The following PFKFB1 variants were observed in gnomAD, a reference collection of about 807,000 sequenced individuals.
PFKFB1 encodes the protein 6-phosphofructo-2-kinase/fructose-2,6-biphosphatase 1.
A neutral mutation model predicts 46.4 loss-of-function variants in PFKFB1; 34 were observed. That is an observed-to-expected ratio of 0.73 (90% CI 0.56 to 0.98). PFKFB1 has a LOEUF of 0.98. Ranked by LOEUF, PFKFB1 falls within the 50% of genes least tolerant of loss-of-function variation. PFKFB1 has a pLI of 0.00. For missense variants in PFKFB1, 393 were observed against 376.3 expected (o/e 1.04, Z -0.37); for synonymous variants, 119 against 133.8 (o/e 0.89, Z 0.76).
chrX:54,960,105 C>T (rs760824819), intron 3 of PFKFB1, among the ~76,000 whole-genome samples: 7 of 112,572 alleles, frequency 6.2e-5, no homozygotes, highest in East Asian at 2.8e-4. Context: ...ACAGCTTACA[C>T]GGTTTACGGG....
intron 7 of PFKFB1, 36 bp from the exon 8 acceptor site, chrX:54,952,148 G>C: frequency 9.1e-7 from 1 of 1,094,689 alleles, no homozygotes; most frequent in Non-Finnish European, 1.3e-6. Context: ...GGGCAGCTCA[G>C]GGGCTAATGG....
rs141537723 is a variant in PFKFB1 at position 54,951,971 on chromosome X, G to A, written c.780C>T (p.Gly260=). 339 of 1,209,084 alleles carry A rather than the reference G, an allele frequency of 2.8e-4. 2 individuals carry two copies. The African/African-American group carries it at 3.4e-3, about 12-fold the overall frequency. The stretch of plus-strand genomic sequence containing the variant: ...GGCCTCTGATGTTGAGTTCACTCTC[G>A]CCATGTCGGCAAAGGTAGATGGAGC... ...TPRSIYLCRH[G]ESELNIRGRI... Residue 260 remains glycine (G), a synonymous_variant, in exon 8 of 14, where the codon GGC becomes GGT. Transcript: ENST00000375006.
chrX:54,997,006 C>A (rs148831424), upstream of PFKFB1, among the ~76,000 whole-genome samples: 1,707 of 111,535 alleles, frequency 0.015, 32 homozygotes, highest in African/African-American at 0.052. Flanking sequence ...CTGTGAACTC[C>A]TTGAGTATGG....
At chrX:54,981,088 G>A (rs1198281024) in intron 1 of PFKFB1, among the ~76,000 whole-genome samples, 1 of 110,642 alleles carries the variant, frequency 9.0e-6, no homozygotes, top group Non-Finnish European at 1.9e-5. Flanking sequence ...TATATAGAAA[G>A]TACTGTAGGA....
chrX:54,990,807 G>A (rs1394467411), intron 1 of PFKFB1, among the ~76,000 whole-genome samples: 1 of 112,261 alleles, frequency 8.9e-6, no homozygotes, highest in South Asian at 3.7e-4. Flanking sequence ...AAACTCTAAT[G>A]TATTGTACCA....
At chrX:54,978,894 G>T (rs867609044) in intron 1 of PFKFB1, among the ~76,000 whole-genome samples, 1 of 111,645 alleles carries the variant, frequency 9.0e-6, no homozygotes, top group Admixed American at 9.5e-5. Context: ...GAAAAACAAG[G>T]AAAGACTGAA....
intron 1 of PFKFB1, among the ~76,000 whole-genome samples, chrX:54,970,388 C>A (rs1437494125): frequency 1.9e-5 from 2 of 106,820 alleles, no homozygotes; most frequent in African/African-American, 6.9e-5. Context: ...GCACAATGTG[C>A]AGGTTAGTTA....
chrX:54,940,855 T>C (rs1401533503), intron 10 of PFKFB1, among the ~76,000 whole-genome samples: 1 of 111,797 alleles, frequency 8.9e-6, no homozygotes. Flanking sequence ...CCCATCAAGC[T>C]ACCAATGCCT....
chrX:54,994,927 A>G, upstream of PFKFB1: 2 of 625,663 alleles, frequency 3.2e-6, no homozygotes, highest in Non-Finnish European at 3.8e-6. Context: ...GTTAGCCACC[A>G]TCAGATGCCC....
intron 10 of PFKFB1, among the ~76,000 whole-genome samples, chrX:54,941,917 T>C (rs748511106): frequency 5.4e-5 from 6 of 111,955 alleles, no homozygotes; most frequent in East Asian, 2.8e-4. Flanking sequence ...GAGTATAAAT[T>C]ATGCTGCTAT....
chrX:54,933,420 C>T lies in PFKFB1; in HGVS notation c.1399G>A (p.Val467Ile), dbSNP rs1277580022. The T allele has an allele frequency of 9.9e-6, 12 of 1,207,138 alleles. No individual in the cohort carries two copies. The highest frequency in any genetic ancestry group is 1.3e-5 in the Non-Finnish European group (12 of 892,653). The change falls in exon 14 of 14, where the codon GTC becomes ATC. Residue 467 changes from valine to isoleucine, a missense_variant. Transcript: ENST00000375006. Reference protein sequence around the residue: ...TREPEEALDTVPAHY With the variant: ...TREPEEALDTIPAHY ...GAAAGGGCTCAGTAGTGGGCTGGGA[C>T]AGTATCCAGGGCTTCCTCAGGTTCC...
intron 1 of PFKFB1, among the ~76,000 whole-genome samples, chrX:54,974,369 A>G (rs777748620): frequency 1.3e-4 from 14 of 111,535 alleles, no homozygotes; most frequent in Non-Finnish European, 2.1e-4. Flanking sequence ...ACCCTATTCA[A>G]TTAATGATGC....
intron 1 of PFKFB1, among the ~76,000 whole-genome samples, chrX:54,980,465 T>C (rs1440448542): frequency 9.1e-6 from 1 of 110,415 alleles, no homozygotes; most frequent in African/African-American, 3.3e-5. Context: ...TAGAAGATAG[T>C]AAACAAAACT....
intron 10 of PFKFB1, among the ~76,000 whole-genome samples, chrX:54,941,895 A>G (rs1384049416): frequency 3.6e-5 from 4 of 112,221 alleles, no homozygotes; most frequent in Non-Finnish European, 7.5e-5. Flanking sequence ...ATTACTGGGT[A>G]TATACCCAAA....
rs1934292945 is a variant in PFKFB1 at position 54,960,901 on chromosome X, C to T, written c.240G>A (p.Gln80=). Residue 80 remains glutamine, a synonymous_variant, in exon 3 of 14, where the codon CAG becomes CAA. Transcript: ENST00000375006. ...GTPTKVFNLG[Q]YRREAVSYKN... ...TGTAGCTCACTGCCTCTCGTCGATA[C>T]TGGCCTAAATTAAACACTGAAAGCA... is the stretch of plus-strand genomic sequence containing the variant. 1 of 1,185,465 alleles carries T rather than the reference C, an allele frequency of 8.4e-7. No individual in the cohort carries two copies. The highest frequency in any genetic ancestry group is 1.7e-5 in the African/African-American group (1 of 57,220).
chrX:54,987,949 T>C (rs1935147782), intron 1 of PFKFB1, among the ~76,000 whole-genome samples: 1 of 111,697 alleles, frequency 9.0e-6, no homozygotes, highest in Admixed American at 9.5e-5. Flanking sequence ...ATGTCTGTTT[T>C]CATCTCATCT....
intron 2 of PFKFB1, among the ~76,000 whole-genome samples, chrX:54,961,643 C>T (rs1251775329): frequency 9.0e-6 from 1 of 111,516 alleles, no homozygotes; most frequent in Non-Finnish European, 1.9e-5. Flanking sequence ...CTTTAAGGCA[C>T]TCACAGTCCA....
chrX:54,969,752 C>T (rs964192164), intron 1 of PFKFB1, among the ~76,000 whole-genome samples: 10 of 111,407 alleles, frequency 9.0e-5, no homozygotes, highest in Non-Finnish European at 1.7e-4. Flanking sequence ...TCCACTCTCA[C>T]GACTCCCATT....
intron 12 of PFKFB1, 35 bp downstream of exon 12, chrX:54,934,912 T>C (rs761784530): frequency 2.1e-5 from 24 of 1,123,540 alleles, no homozygotes; most frequent in Non-Finnish European, 2.6e-5. Context: ...ATAGCCTCTA[T>C]ATGCCTGTCC....
Sources: allele counts gnomAD v4.1 joint callset (sites outside exome capture counted in the v4.1 genomes callset), GRCh38; gene constraint gnomAD v4.1.1; transcripts MANE v1.5; gene names NCBI Gene and HGNC (gene_info 2026-07-23, HGNC 2026-07-21).